Variants in PAK3 observed in about 807,000 individuals in gnomAD.
PAK3 encodes the protein serine/threonine-protein kinase PAK 3.
In PAK3, 4 loss-of-function variants were observed where a neutral mutation model predicts 41.0. The ratio of observed to expected loss-of-function variants is 0.10; its 90% confidence interval spans 0.05 to 0.22. PAK3 has a LOEUF of 0.22. Among genes scored for constraint, PAK3 ranks in the 10% least tolerant of loss-of-function variants. PAK3 has a pLI of 1.00. For synonymous variants in PAK3, 146 were observed against 139.6 expected, an observed-to-expected ratio of 1.05 and a Z score of -0.32; for missense variants, 205 against 409.9, an observed-to-expected ratio of 0.50 and a Z score of 4.32.
At chrX:111,077,831 T>G (rs2092800102) in intron 1 of PAK3, among the ~76,000 whole-genome samples, 1 of 111,652 alleles carries the variant, frequency 9.0e-6, no homozygotes, top group African/African-American at 3.3e-5. Flanking sequence ...AGCTAAAAAT[T>G]TCTGCATAGC....
At chrX:111,077,822 G>C (rs2092799991) in intron 1 of PAK3, among the ~76,000 whole-genome samples, 1 of 111,659 alleles carries the variant, frequency 9.0e-6, no homozygotes, top group Admixed American at 9.5e-5. Flanking sequence ...ATTACATCAA[G>C]CTAAAAATTT....
chrX:111,128,143 G>T (rs1403987418), intron 5 of PAK3, among the ~76,000 whole-genome samples: 2 of 112,151 alleles, frequency 1.8e-5, no homozygotes, highest in African/African-American at 3.2e-5. Context: ...TGACGTCTGT[G>T]TCTACTGAAG....
upstream of PAK3, among the ~76,000 whole-genome samples, chrX:111,094,200 T>A (rs2092951052): frequency 9.0e-6 from 1 of 111,150 alleles, no homozygotes; most frequent in Admixed American, 9.5e-5. Flanking sequence ...TATTTTTGCA[T>A]TAAAGACAAC....
chrX:111,058,895 G>A (rs1012045247), intron 1 of PAK3, among the ~76,000 whole-genome samples: 19 of 111,215 alleles, frequency 1.7e-4, no homozygotes, highest in African/African-American at 6.2e-4. Flanking sequence ...AGTTGTCTCA[G>A]TACCATTTGT....
At chrX:110,994,399 A>G (rs1239956826) in intron 1 of PAK3, among the ~76,000 whole-genome samples, 1 of 111,070 alleles carries the variant, frequency 9.0e-6, no homozygotes, top group Non-Finnish European at 1.9e-5. Context: ...GGATCAAGGC[A>G]CCCCAAGATC....
chrX:111,009,940 C>A (rs769515893), intron 1 of PAK3, among the ~76,000 whole-genome samples: 1 of 111,601 alleles, frequency 9.0e-6, no homozygotes, highest in African/African-American at 3.3e-5. Flanking sequence ...ATGCTTTACA[C>A]GGCTGAGTAA....
intron 16 of PAK3, 101 bp from the exon 17 acceptor site, chrX:111,216,320 A>T (rs1163142252): frequency 3.5e-6 from 2 of 569,773 alleles, no homozygotes; most frequent in African/African-American, 4.5e-5. Flanking sequence ...AATTATTAAG[A>T]CCCAGAATGT....
intron 1 of PAK3, among the ~76,000 whole-genome samples, chrX:111,051,384 G>A (rs2092556311): frequency 9.0e-6 from 1 of 111,629 alleles, no homozygotes; most frequent in Admixed American, 9.5e-5. Flanking sequence ...CCTTTCCCTG[G>A]CTTTCACTGG....
At chrX:111,118,521 G>A (rs1358831969) in intron 4 of PAK3, among the ~76,000 whole-genome samples, 2 of 110,336 alleles carry the variant, frequency 1.8e-5, no homozygotes, top group Non-Finnish European at 3.8e-5. Context: ...TTAGTGAACA[G>A]CTCAGTCCTG....
rs914895755 is a variant in PAK3 at position 111,217,683 on chromosome X, T to C, written c.1545+1125T>C. 7 of 702,172 alleles carry C rather than the reference T, an allele frequency of 1.0e-5. No individual in the cohort carries two copies. The African/African-American group carries it at 1.4e-4, about 14-fold the overall frequency. 57.9% of individuals were successfully genotyped at this position (702,172 alleles called of 1,213,427 possible). A position where few individuals can be genotyped will look rare whatever the true frequency, so the allele number is the denominator to read the frequency against. On this transcript the variant is annotated intron_variant, in intron 17 of 17. Coordinates refer to ENST00000372007, the MANE Select transcript of PAK3 (RefSeq NM_002578.5). ...CCTGCAAGCATTTCACAGGTTATCA[T>C]AGGGCCCTAAAATGTCAAATCTGGA...
chrX:111,101,921 G>C (rs1192194598), intron 3 of PAK3, among the ~76,000 whole-genome samples: 1 of 111,820 alleles, frequency 8.9e-6, no homozygotes, highest in Admixed American at 9.4e-5. Flanking sequence ...TTCCAGAAGG[G>C]GGAATTGGAG....
At chrX:110,969,968 C>T (rs1040683495) in intron 1 of PAK3, among the ~76,000 whole-genome samples, 6 of 111,821 alleles carry the variant, frequency 5.4e-5, no homozygotes, top group Admixed American at 1.9e-4. Flanking sequence ...GGGATCTATC[C>T]ATTTATCTAG....
chrX:111,000,265 T>A (rs2091824844), intron 1 of PAK3, among the ~76,000 whole-genome samples: 1 of 112,054 alleles, frequency 8.9e-6, no homozygotes, highest in African/African-American at 3.2e-5. Flanking sequence ...CTACCATGTG[T>A]CAGGTCCTGT....
At chrX:111,104,057 A>G (rs1032088743) in intron 4 of PAK3, among the ~76,000 whole-genome samples, 1 of 112,445 alleles carries the variant, frequency 8.9e-6, no homozygotes, top group Non-Finnish European at 1.9e-5. Flanking sequence ...GTTCCCCAGC[A>G]GCTTTGCAAG....
intron 1 of PAK3, among the ~76,000 whole-genome samples, chrX:111,031,858 A>G (rs754852045): frequency 3.3e-4 from 37 of 111,855 alleles, no homozygotes; most frequent in Non-Finnish European, 6.4e-4. Flanking sequence ...GCAACAAACA[A>G]CAGTATTAGC....
chrX:111,198,655 C>T (rs757529872), intron 16 of PAK3, among the ~76,000 whole-genome samples: 62 of 110,836 alleles, frequency 5.6e-4, no homozygotes, highest in African/African-American at 2.0e-3. Flanking sequence ...ACTTTATTTC[C>T]GGGTTCTCTC....
At chrX:111,202,147 A>G (rs989149935) in intron 16 of PAK3, among the ~76,000 whole-genome samples, 1 of 111,730 alleles carries the variant, frequency 9.0e-6, no homozygotes, top group Non-Finnish European at 1.9e-5. Flanking sequence ...CTGTTGTATC[A>G]GTTCCAGCTG....
intron 1 of PAK3, among the ~76,000 whole-genome samples, chrX:111,010,671 C>A (rs2091999315): frequency 9.0e-6 from 1 of 111,250 alleles, no homozygotes; most frequent in Admixed American, 9.6e-5. Context: ...ATGCTGGTTC[C>A]CCCTTCACCT....
At chrX:111,155,304 C>A (rs1477668576) in intron 8 of PAK3, among the ~76,000 whole-genome samples, 2 of 109,550 alleles carry the variant, frequency 1.8e-5, no homozygotes, top group African/African-American at 6.7e-5. Context: ...AGTTCAAGAG[C>A]AAACTGGGTA....
Sources: gnomAD v4.1 joint callset for allele counts (sites outside exome capture counted in the v4.1 genomes callset) on GRCh38, gnomAD v4.1.1 for gene constraint, MANE v1.5 for transcripts, NCBI Gene and HGNC (gene_info 2026-07-23, HGNC 2026-07-21) for gene names.